Variants in NCAM2 observed in about 807,000 individuals in gnomAD.
NCAM2 encodes N-CAM-2.
A neutral mutation model predicts 98.1 loss-of-function variants in NCAM2; 30 were observed. That is an observed-to-expected ratio of 0.31 (90% CI 0.23 to 0.41). NCAM2 has a LOEUF of 0.41. Among genes scored for constraint, NCAM2 ranks in the 10% least tolerant of loss-of-function variants. NCAM2 has a pLI of 1.00. For missense variants in NCAM2, 867 were observed against 1,005.8 expected (o/e 0.86, Z 1.87); for synonymous variants, 368 against 342.4 (o/e 1.07, Z -0.83).
intron 1 of NCAM2, among the ~76,000 whole-genome samples, chr21:21,030,933 A>G (rs957926242): frequency 1.4e-4 from 20 of 146,066 alleles, no homozygotes; most frequent in Non-Finnish European, 2.7e-4. Context: ...AAATATTAAT[A>G]TAGTTATGAA....
intron 1 of NCAM2, among the ~76,000 whole-genome samples, chr21:21,191,489 C>T (rs1021923537): frequency 2.6e-5 from 4 of 152,024 alleles, no homozygotes; most frequent in Non-Finnish European, 5.9e-5. Context: ...TACTTTAAAT[C>T]AGTTATTCTA....
chr21:21,446,203 T>A (rs1207710512), intron 12 of NCAM2, among the ~76,000 whole-genome samples: 1 of 152,194 alleles, frequency 6.6e-6, no homozygotes, highest in African/African-American at 2.4e-5. Context: ...AGAGGTCTGC[T>A]GTTAGTCTGA....
intron 9 of NCAM2, among the ~76,000 whole-genome samples, chr21:21,376,941 G>T (rs932290678): frequency 2.6e-5 from 4 of 151,532 alleles, no homozygotes; most frequent in African/African-American, 9.7e-5. Context: ...TGATTAGAGG[G>T]TAGCTAGATT....
At chr21:21,027,716 C>A (rs942883322) in intron 1 of NCAM2, among the ~76,000 whole-genome samples, 1 of 152,160 alleles carries the variant, frequency 6.6e-6, no homozygotes, top group Non-Finnish European at 1.5e-5. Flanking sequence ...GTCATTTGAT[C>A]CTTCTACACT....
intron 15 of NCAM2, among the ~76,000 whole-genome samples, chr21:21,502,973 G>C (rs1218371461): frequency 1.3e-5 from 2 of 151,888 alleles, no homozygotes; most frequent in African/African-American, 4.8e-5. Flanking sequence ...AAAAAGCATG[G>C]CTAGTTTTAT....
At chr21:21,001,647 G>A (rs890176871) in intron 1 of NCAM2, among the ~76,000 whole-genome samples, 26 of 152,142 alleles carry the variant, frequency 1.7e-4, no homozygotes, top group African/African-American at 6.0e-4. Flanking sequence ...AATTAAACAA[G>A]TATGATTAAT....
At chr21:21,313,557 AT>A (rs2074123987) in intron 5 of NCAM2, among the ~76,000 whole-genome samples, 1 of 151,388 alleles carries the variant, frequency 6.6e-6, no homozygotes, top group Non-Finnish European at 1.5e-5. Context: ...TATTTTTTCT[AT>A]TGTTTTTATT....
chr21:21,117,669 C>G (rs952023162), intron 1 of NCAM2, among the ~76,000 whole-genome samples: 1 of 152,108 alleles, frequency 6.6e-6, no homozygotes, highest in Non-Finnish European at 1.5e-5. Flanking sequence ...AGATTCTACT[C>G]TTTCATTATT....
At chr21:21,156,753 T>C (rs2067625747) in intron 1 of NCAM2, among the ~76,000 whole-genome samples, 1 of 151,988 alleles carries the variant, frequency 6.6e-6, no homozygotes, top group African/African-American at 2.4e-5. Flanking sequence ...GAAACCAGAA[T>C]CATAATTATG....
intron 16 of NCAM2, among the ~76,000 whole-genome samples, chr21:21,514,518 A>C (rs1468438911): frequency 6.6e-6 from 1 of 151,202 alleles, no homozygotes; most frequent in Non-Finnish European, 1.5e-5. Context: ...GGTGAACAGA[A>C]GTGCCTGATC....
At chr21:21,507,118 A>C (rs1430612673) in intron 15 of NCAM2, among the ~76,000 whole-genome samples, 1 of 152,018 alleles carries the variant, frequency 6.6e-6, no homozygotes, top group Non-Finnish European at 1.5e-5. Context: ...TGAAAAAAAA[A>C]ATAAAATAAT....
intron 1 of NCAM2, among the ~76,000 whole-genome samples, chr21:21,056,441 C>G (rs1340875872): frequency 4.0e-5 from 6 of 149,410 alleles, no homozygotes. Flanking sequence ...CCAGATAACA[C>G]TAATATAAAT....
chr21:21,021,602 C>T (rs1220177644), intron 1 of NCAM2, among the ~76,000 whole-genome samples: 1 of 152,114 alleles, frequency 6.6e-6, no homozygotes, highest in Non-Finnish European at 1.5e-5. Context: ...ACTTGCAATT[C>T]TAGAACAATT....
intron 1 of NCAM2, among the ~76,000 whole-genome samples, chr21:21,081,749 C>T (rs746818963): frequency 7.3e-5 from 11 of 150,128 alleles, no homozygotes; most frequent in African/African-American, 1.7e-4. Flanking sequence ...TGCAGTGAGC[C>T]GAGATCTTGC....
chr21:21,123,108 T>C (rs1346328283), intron 1 of NCAM2, among the ~76,000 whole-genome samples: 1 of 152,210 alleles, frequency 6.6e-6, no homozygotes, highest in South Asian at 2.1e-4. Context: ...TTTGAAAATT[T>C]TGTGTCTGGG....
At chr21:21,357,080 A>C (rs1307872784) in intron 8 of NCAM2, among the ~76,000 whole-genome samples, 1 of 152,174 alleles carries the variant, frequency 6.6e-6, no homozygotes, top group African/African-American at 2.4e-5. Flanking sequence ...ACTAAACTAC[A>C]TTTAAAATTA....
At chr21:21,206,978 T>C (rs1399702644) in intron 1 of NCAM2, among the ~76,000 whole-genome samples, 1 of 152,166 alleles carries the variant, frequency 6.6e-6, no homozygotes, top group African/African-American at 2.4e-5. Flanking sequence ...CTTTAGACTA[T>C]ACAAGGTATT....
At chr21:21,503,941 C>T (rs879487285) in intron 15 of NCAM2, among the ~76,000 whole-genome samples, 1 of 151,670 alleles carries the variant, frequency 6.6e-6, no homozygotes, top group African/African-American at 2.4e-5. Flanking sequence ...AAAGAGGAAG[C>T]TTAAAGCAGA....
intron 8 of NCAM2, among the ~76,000 whole-genome samples, chr21:21,351,138 A>G (rs2075328799): frequency 2.9e-5 from 3 of 102,332 alleles, no homozygotes; most frequent in East Asian, 3.6e-4. Flanking sequence ...AAAAAAAAAA[A>G]AAAAGAAACT....
Sources: gnomAD v4.1 joint callset for allele counts (sites outside exome capture counted in the v4.1 genomes callset) on GRCh38, gnomAD v4.1.1 for gene constraint, MANE v1.5 for transcripts, NCBI Gene and HGNC (gene_info 2026-07-23, HGNC 2026-07-21) for gene names.